ARHGAP24: variants seen among roughly 807,000 people sequenced by gnomAD.
The protein encoded by ARHGAP24 is rho GTPase-activating protein 24.
A neutral mutation model predicts 76.4 loss-of-function variants in ARHGAP24; 50 were observed. The observed-to-expected ratio is 0.65, with a 90% CI of 0.52 to 0.83. ARHGAP24 has a LOEUF of 0.83. ARHGAP24 is among the 40% of genes least tolerant of loss of function. The probability of loss-of-function intolerance (pLI) is 0.00; values close to 1 mark genes in which losing one functional copy is unlikely to be tolerated. For missense variants in ARHGAP24, 930 were observed against 914.2 expected (o/e 1.02, Z -0.22); for synonymous variants, 345 against 323.3 (o/e 1.07, Z -0.72).
chr4:85,621,959 G>A (rs899549825), intron 2 of ARHGAP24, among the ~76,000 whole-genome samples: 16 of 152,012 alleles, frequency 1.1e-4, no homozygotes, highest in African/African-American at 3.9e-4. Flanking sequence ...AGAAATAGGA[G>A]TCCAGTTTTA....
chr4:85,683,360 C>T (rs548075897), intron 2 of ARHGAP24, among the ~76,000 whole-genome samples: 2 of 152,166 alleles, frequency 1.3e-5, no homozygotes, highest in South Asian at 4.1e-4. Flanking sequence ...TGAAGGGGAG[C>T]ACAGCTATTG....
At chr4:85,918,298 T>C (rs1331236482) in intron 3 of ARHGAP24, among the ~76,000 whole-genome samples, 1 of 152,070 alleles carries the variant, frequency 6.6e-6, no homozygotes, top group East Asian at 1.9e-4. Context: ...CTCATATTAA[T>C]AAACTTCAAA....
chr4:85,594,926 A>G (rs566058611), intron 2 of ARHGAP24, among the ~76,000 whole-genome samples: 3 of 152,202 alleles, frequency 2.0e-5, no homozygotes, highest in South Asian at 4.1e-4. Flanking sequence ...ATTTAGAAAA[A>G]TGAATTTAAG....
intron 5 of ARHGAP24, among the ~76,000 whole-genome samples, chr4:85,954,000 G>A (rs1365315267): frequency 6.6e-6 from 1 of 152,168 alleles, no homozygotes; most frequent in Non-Finnish European, 1.5e-5. Context: ...AAACAGTGGA[G>A]GGCTCTGAAA....
chr4:85,868,733 C>T (rs1732351410), intron 3 of ARHGAP24, among the ~76,000 whole-genome samples: 1 of 151,922 alleles, frequency 6.6e-6, no homozygotes, highest in Admixed American at 6.6e-5. Flanking sequence ...ATAGGGAAAA[C>T]AGGGTGTAGT....
At chr4:85,540,310 G>A (rs1725626818) in intron 1 of ARHGAP24, among the ~76,000 whole-genome samples, 2 of 151,808 alleles carry the variant, frequency 1.3e-5, no homozygotes, top group African/African-American at 4.8e-5. Flanking sequence ...ATTCAATAAG[G>A]AAGAATACCC....
At chr4:85,558,214 A>G (rs1159233516) in intron 1 of ARHGAP24, among the ~76,000 whole-genome samples, 4 of 152,174 alleles carry the variant, frequency 2.6e-5, no homozygotes. Context: ...TGGTGGCATC[A>G]ACGAGAAAAA....
chr4:85,485,733 G>A (rs1176465452), intron 1 of ARHGAP24, among the ~76,000 whole-genome samples: 1 of 149,466 alleles, frequency 6.7e-6, no homozygotes, highest in Non-Finnish European at 1.5e-5. Context: ...TGCTCCTTTT[G>A]AACAGTTTTT....
chr4:85,484,263 A>G (rs994742532), intron 1 of ARHGAP24, among the ~76,000 whole-genome samples: 29 of 152,168 alleles, frequency 1.9e-4, no homozygotes, highest in African/African-American at 6.8e-4. Context: ...TCTAAAGTAT[A>G]TTCAATTTGA....
chr4:85,485,372 AAAAAATATATATATATATATATAT>A (rs1319393499), intron 1 of ARHGAP24, among the ~76,000 whole-genome samples: 4 of 51,188 alleles, frequency 7.8e-5, no homozygotes, highest in South Asian at 9.5e-4. Flanking sequence ...AAAAAAAAAA[AAAAAATATATATATATATATATAT>A]ATATATATAT....
intron 5 of ARHGAP24, among the ~76,000 whole-genome samples, chr4:85,963,044 T>G (rs1019859262): frequency 3.3e-5 from 5 of 152,194 alleles, no homozygotes; most frequent in East Asian, 1.9e-4. Context: ...AATATGTGTA[T>G]GTACACACAT....
At chr4:85,636,123 T>C (rs1721299228) in intron 2 of ARHGAP24, among the ~76,000 whole-genome samples, 1 of 151,822 alleles carries the variant, frequency 6.6e-6, no homozygotes, top group Non-Finnish European at 1.5e-5. Flanking sequence ...ATTTCCTGCC[T>C]CATGTGATAC....
At chr4:85,813,809 ATATT>A (rs1480221238) in intron 3 of ARHGAP24, among the ~76,000 whole-genome samples, 1 of 117,640 alleles carries the variant, frequency 8.5e-6, no homozygotes, top group Non-Finnish European at 1.7e-5. Context: ...AAATATATAT[ATATT>A]TATTTTATAT....
chr4:85,550,350 G>A (rs745640688), intron 1 of ARHGAP24, among the ~76,000 whole-genome samples: 33 of 152,250 alleles, frequency 2.2e-4, no homozygotes, highest in Middle Eastern at 6.8e-3. Context: ...AAGATCAGAT[G>A]GTTGTAGGTG....
intron 2 of ARHGAP24, among the ~76,000 whole-genome samples, chr4:85,651,177 C>A (rs1047740326): frequency 2.7e-5 from 4 of 149,060 alleles, no homozygotes; most frequent in African/African-American, 1.0e-4. Flanking sequence ...CAGAGGCAGG[C>A]CTGAGATCAT....
At chr4:85,509,391 G>A (rs1362385911) in intron 1 of ARHGAP24, among the ~76,000 whole-genome samples, 1 of 151,858 alleles carries the variant, frequency 6.6e-6, no homozygotes, top group Non-Finnish European at 1.5e-5. Context: ...GTTCTTAACT[G>A]GAAATGTCTT....
At chr4:85,625,400 C>A (rs1199421763) in intron 2 of ARHGAP24, among the ~76,000 whole-genome samples, 2 of 152,148 alleles carry the variant, frequency 1.3e-5, no homozygotes, top group Non-Finnish European at 2.9e-5. Context: ...GTTTCTTAAT[C>A]CTGAGCTCTA....
At chr4:85,910,855 C>T (rs1052660118) in intron 3 of ARHGAP24, among the ~76,000 whole-genome samples, 1 of 152,140 alleles carries the variant, frequency 6.6e-6, no homozygotes, top group Admixed American at 6.5e-5. Context: ...TACCTGGCCC[C>T]CAGCCTTCAG....
In ARHGAP24 at chr4:85,928,614, C is replaced by T. The variant is rs539501063; in HGVS notation, c.391+4844C>T. Among the ~76,000 whole-genome samples, 5 of 152,114 alleles carry T rather than the reference C, an allele frequency of 3.3e-5. No individual in the cohort carries two copies. In the East Asian group the frequency reaches 5.8e-4, roughly 18 times the overall value. ...CTGATATTACAGTCGCCTGCCACCA[C>T]ATCCACCTAAATTTTTTTTGTATTT... On this transcript the variant is annotated intron_variant, in intron 4 of 9. Transcript: ENST00000395184.
Sources: allele counts gnomAD v4.1 joint callset (sites outside exome capture counted in the v4.1 genomes callset), GRCh38; gene constraint gnomAD v4.1.1; transcripts MANE v1.5; gene names NCBI Gene and HGNC (gene_info 2026-07-23, HGNC 2026-07-21).